PTPN21: variants seen among roughly 807,000 people sequenced by gnomAD.
PTPN21 encodes protein tyrosine phosphatase non-receptor type 21.
Under a neutral mutation model 131.8 loss-of-function variants are expected in PTPN21, and 77 were observed. The ratio of observed to expected loss-of-function variants is 0.58; its 90% confidence interval spans 0.49 to 0.71. The LOEUF (loss-of-function observed/expected upper bound fraction) is 0.71, where lower values mean the gene tolerates loss of function less well. Among genes scored for constraint, PTPN21 ranks in the 30% least tolerant of loss-of-function variants. PTPN21 has a pLI of 0.00. For synonymous variants in PTPN21, 715 were observed against 621.3 expected (o/e 1.15, Z -2.24); for missense variants, 1,552 against 1,527.1 (o/e 1.02, Z -0.27).
chr14:88,518,035 T>C (rs896126330), intron 2 of PTPN21, among the ~76,000 whole-genome samples: 4 of 147,174 alleles, frequency 2.7e-5, no homozygotes, highest in Non-Finnish European at 4.5e-5. Flanking sequence ...TTCCAGTGTC[T>C]AGGTCGTGAA....
intron 2 of PTPN21, among the ~76,000 whole-genome samples, chr14:88,519,439 A>G (rs530621378): frequency 2.0e-5 from 3 of 152,328 alleles, no homozygotes; most frequent in South Asian, 2.1e-4. Context: ...TTAATATTAT[A>G]CAATTTTAAT....
chr14:88,544,277 G>A (rs1344675344), intron 2 of PTPN21, among the ~76,000 whole-genome samples: 15 of 151,980 alleles, frequency 9.9e-5, no homozygotes, highest in African/African-American at 3.1e-4. Context: ...CCCGGGAGGC[G>A]GAAGTTGCTG....
At position 88,467,966 on chromosome 14, in the gene PTPN21, C is replaced by G. The variant is rs1166113741; in HGVS notation, c.*171G>C. On this transcript the variant is annotated 3_prime_UTR_variant, in exon 19 of 19. Coordinates refer to ENST00000556564, the MANE Select transcript of PTPN21 (RefSeq NM_007039.4). Reference sequence around the variant, plus strand: ...TCCCAGGTTAGAAACCCCTCTTCAGCCTGTGCTTCGCACGTTTCCTTCAGC... The same window carrying G: ...TCCCAGGTTAGAAACCCCTCTTCAGGCTGTGCTTCGCACGTTTCCTTCAGC... The G allele has an allele frequency of 1.1e-6, 1 of 878,844 alleles. No individual in the cohort carries two copies. Among genetic ancestry groups the G allele is most frequent in the East Asian group, 2.5e-5 (1 of 40,380 alleles). The allele number at this position is 878,844 out of a possible 1,614,324, so 54.4% of individuals were successfully genotyped here. A position where few individuals can be genotyped will look rare whatever the true frequency, so the allele number is the denominator to read the frequency against.
intron 2 of PTPN21, among the ~76,000 whole-genome samples, chr14:88,540,920 G>A (rs2078696210): frequency 6.6e-6 from 1 of 152,144 alleles, no homozygotes; most frequent in East Asian, 1.9e-4. Context: ...GCCTCGGCCT[G>A]TCAAAGTGCT....
intron 5 of PTPN21, among the ~76,000 whole-genome samples, chr14:88,505,047 T>C (rs1323545663): frequency 6.6e-6 from 1 of 152,184 alleles, no homozygotes; most frequent in Non-Finnish European, 1.5e-5. Flanking sequence ...TCCTTCTTTT[T>C]AAACTCACAA....
chr14:88,536,190 T>C (rs1220502471), intron 2 of PTPN21, among the ~76,000 whole-genome samples: 3 of 152,190 alleles, frequency 2.0e-5, no homozygotes, highest in Non-Finnish European at 4.4e-5. Flanking sequence ...GTAGAGAATT[T>C]TGTGAAACTT....
intron 8 of PTPN21, 42 bp from the exon 9 acceptor site, chr14:88,497,332 T>TG: frequency 6.8e-7 from 1 of 1,472,674 alleles, no homozygotes; most frequent in Non-Finnish European, 9.5e-7. Context: ...TGAGTGCCCA[T>TG]GGGGGAAACA....
chr14:88,505,431 C>T (rs775283480), intron 4 of PTPN21, 60 bp from the exon 5 acceptor site: 52 of 1,193,206 alleles, frequency 4.4e-5, no homozygotes, highest in Non-Finnish European at 6.1e-5. Context: ...AAAATATGCA[C>T]AACAAAATTC....
intron 1 of PTPN21, chr14:88,551,271 CG>C (rs1055917157): frequency 6.6e-6 from 1 of 152,294 alleles, no homozygotes; most frequent in Non-Finnish European, 1.5e-5. Flanking sequence ...ATCCAGACCC[CG>C]GCCCCTCTCC....
intron 2 of PTPN21, among the ~76,000 whole-genome samples, chr14:88,540,900 A>G (rs2078695991): frequency 6.6e-6 from 1 of 152,102 alleles, no homozygotes; most frequent in Non-Finnish European, 1.5e-5. Flanking sequence ...TGGACTGAAG[A>G]AATCTTACTG....
chr14:88,468,722 C>T (rs1424228340), intron 18 of PTPN21, among the ~76,000 whole-genome samples, 194 bp downstream of exon 18: 1 of 152,124 alleles, frequency 6.6e-6, no homozygotes, highest in African/African-American at 2.4e-5. Flanking sequence ...CGTATGACTT[C>T]TTAGTCTTTA....
intron 2 of PTPN21, among the ~76,000 whole-genome samples, chr14:88,528,280 G>A (rs2078509723): frequency 6.6e-6 from 1 of 152,162 alleles, no homozygotes; most frequent in Admixed American, 6.5e-5. Context: ...CCATCCCTGA[G>A]CATGGGATGT....
intron 2 of PTPN21, among the ~76,000 whole-genome samples, chr14:88,535,331 T>G (rs965203344): frequency 7.2e-5 from 11 of 152,170 alleles, no homozygotes. Context: ...TGTCCTTAAG[T>G]GACACATGGC....
At chr14:88,519,649 G>T (rs1352065612) in intron 2 of PTPN21, among the ~76,000 whole-genome samples, 1 of 152,100 alleles carries the variant, frequency 6.6e-6, no homozygotes, top group Non-Finnish European at 1.5e-5. Flanking sequence ...AACAAGGTAA[G>T]AACTATACCT....
At position 88,469,442 on chromosome 14, in the gene PTPN21, T is replaced by G. The variant is rs1179118492; in HGVS notation, c.3235+57A>C. On this transcript the variant is annotated intron_variant, in intron 17 of 18. Coordinates refer to ENST00000556564, the MANE Select transcript of PTPN21 (RefSeq NM_007039.4). The surrounding 1 kb of genome is among the most constrained non-coding windows in gnomAD (Gnocchi z 4.3). ...AATATTTCGGAAACATAAATGTTCCTCTCTGTTTAACACCTCCAGAGGCAG... is the reference window on the plus strand; with the variant it reads ...AATATTTCGGAAACATAAATGTTCCGCTCTGTTTAACACCTCCAGAGGCAG... 9 of 1,388,912 alleles carry G rather than the reference T, an allele frequency of 6.5e-6. No individual in the cohort carries two copies. Among genetic ancestry groups the G allele is most frequent in the Non-Finnish European group, 9.2e-6 (9 of 979,592 alleles). The allele number at this position is 1,388,912 out of a possible 1,614,324, so 86.0% of individuals were successfully genotyped here. A position where few individuals can be genotyped will look rare whatever the true frequency, so the allele number is the denominator to read the frequency against.
intron 10 of PTPN21, among the ~76,000 whole-genome samples, chr14:88,488,364 A>C (rs1012507515): frequency 7.9e-6 from 1 of 126,044 alleles, no homozygotes; most frequent in Non-Finnish European, 1.7e-5. Flanking sequence ...CCACTGTAGT[A>C]GCCGGCTCTA....
At position 88,478,960 on chromosome 14, in the gene PTPN21, G is replaced by C. The variant is rs1232461129; in HGVS notation, c.2471C>G (p.Ser824Cys). ...CCCTTCCACGATGTTCTTCTTCCCA[G>C]AGAGAAGGTCCGACACCGGCCTTTT... ...LKKRPVSDLLSGKKNIVEGLP... is the reference protein window; with the variant it reads ...LKKRPVSDLLCGKKNIVEGLP... Residue 824 changes from serine (S) to cysteine (C), a missense_variant, in exon 13 of 19, where the codon TCT becomes TGT. Coordinates refer to ENST00000556564, the MANE Select transcript of PTPN21 (RefSeq NM_007039.4). 7.2e-6 allele frequency: 11 copies of C among 1,531,418 alleles called. No individual in the cohort carries two copies. The highest frequency in any genetic ancestry group is 9.6e-6 in the Non-Finnish European group (11 of 1,140,258). The allele number at this position is 1,531,418 out of a possible 1,614,324, so 94.9% of individuals were successfully genotyped here. A position where few individuals can be genotyped will look rare whatever the true frequency, so the allele number is the denominator to read the frequency against.
intron 13 of PTPN21, 33 bp from the exon 14 acceptor site, chr14:88,473,835 T>G: frequency 3.2e-6 from 5 of 1,559,514 alleles, no homozygotes; most frequent in African/African-American, 1.4e-5. Flanking sequence ...ATATGAAATA[T>G]ACACAAATAC....
intron 3 of PTPN21, chr14:88,514,127 A>G (rs1381409595): frequency 6.6e-6 from 1 of 152,228 alleles, no homozygotes; most frequent in East Asian, 1.9e-4. Flanking sequence ...CTTAGATCAT[A>G]CTGTTAGAAG....
Sources: allele counts gnomAD v4.1 joint callset (sites outside exome capture counted in the v4.1 genomes callset), GRCh38; gene constraint gnomAD v4.1.1; non-coding constraint Gnocchi (gnomAD v3.1); transcripts MANE v1.5; gene names NCBI Gene and HGNC (gene_info 2026-07-23, HGNC 2026-07-21).